Variants in SLC2A14 observed in about 807,000 individuals in gnomAD.
SLC2A14 encodes solute carrier family 2 member 14.
A neutral mutation model predicts 43.0 loss-of-function variants in SLC2A14; 13 were observed. That is an observed-to-expected ratio of 0.30 (90% CI 0.20 to 0.48). The LOEUF is 0.48. Among genes scored for constraint, SLC2A14 ranks in the 20% least tolerant of loss-of-function variants. The pLI, the probability that SLC2A14 is intolerant of heterozygous loss-of-function variation, is 0.99. For synonymous variants in SLC2A14, 190 were observed against 233.8 expected (o/e 0.81, Z 1.71); for missense variants, 428 against 620.4 (o/e 0.69, Z 3.29).
At chr12:7,846,848 G>A (rs1866511380) in intron 2 of SLC2A14, among the ~76,000 whole-genome samples, 1 of 151,450 alleles carries the variant, frequency 6.6e-6, no homozygotes, top group Non-Finnish European at 1.5e-5. Context: ...TGGCCAGGCT[G>A]GTCTCGAACT....
intron 5 of SLC2A14, 73 bp from the exon 6 acceptor site, chr12:7,828,939 T>A: frequency 1.3e-6 from 2 of 1,562,490 alleles, no homozygotes; most frequent in Non-Finnish European, 1.7e-6. Flanking sequence ...ACACAAAAAG[T>A]TGGCTGGGCG....
At chr12:7,874,382 A>G (rs1325901873), upstream of SLC2A14, among the ~76,000 whole-genome samples, 2 of 152,040 alleles carry the variant, frequency 1.3e-5, no homozygotes, top group African/African-American at 2.4e-5. Flanking sequence ...GTATTTTAAA[A>G]GTATATTTAG....
intron 2 of SLC2A14, among the ~76,000 whole-genome samples, chr12:7,862,634 A>G (rs1944643339): frequency 6.6e-6 from 1 of 152,170 alleles, no homozygotes; most frequent in Admixed American, 6.6e-5. Flanking sequence ...CACTAGGTGA[A>G]GCCAGCTGGG....
At chr12:7,846,241 C>T (rs892880756) in intron 2 of SLC2A14, among the ~76,000 whole-genome samples, 1 of 151,766 alleles carries the variant, frequency 6.6e-6, no homozygotes, top group African/African-American at 2.4e-5. Context: ...TCAAAGGAAA[C>T]GGTGGAAAAA....
rs71451921 is a variant in SLC2A14, at chr12:7,838,093, ATT to A, written c.19-5281_19-5280del. ...GTTGTTGTTATGTGTTTTTACCACA[ATT>A]TTTTTTTTTCGAGACAGAATCTCGC... On this transcript the variant is annotated intron_variant, in intron 2 of 10. Transcript: ENST00000431042. 5.6e-4 allele frequency among the ~76,000 whole-genome samples: 81 copies of A among 143,498 alleles called. 1 individual carries two copies. The highest frequency in any genetic ancestry group is 7.2e-3 in the Middle Eastern group (2 of 278). 94.1% of individuals were successfully genotyped at this position (143,498 alleles called of 152,430 possible).
intron 10 of SLC2A14, among the ~76,000 whole-genome samples, chr12:7,816,933 T>C (rs990193936): frequency 2.0e-5 from 3 of 151,994 alleles, no homozygotes; most frequent in African/African-American, 7.2e-5. Context: ...TCTCGAACTC[T>C]TGACTGCAAG....
At chr12:7,890,951 C>T in intron 1 of SLC2A14, 10 of 1,507,650 alleles carry the variant, frequency 6.6e-6, no homozygotes, top group South Asian at 1.2e-5. Context: ...TCATCCTCGA[C>T]ATGGACTACC....
intron 1 of SLC2A14, among the ~76,000 whole-genome samples, chr12:7,881,596 G>A (rs1945574585): frequency 6.6e-6 from 1 of 152,226 alleles, no homozygotes; most frequent in East Asian, 1.9e-4. Context: ...GAGCCTCCCC[G>A]ACAAGCGCGG....
At chr12:7,891,026 C>T (rs1392547877) in exon 1 of SLC2A14, 1 of 1,535,054 alleles carries the variant, frequency 6.5e-7, no homozygotes, top group East Asian at 2.4e-5. Context: ...TCTGACTCTT[C>T]TCCAGAGTGG....
intron 2 of SLC2A14, among the ~76,000 whole-genome samples, chr12:7,844,103 T>C (rs978751167): frequency 1.3e-5 from 2 of 152,158 alleles, no homozygotes; most frequent in African/African-American, 4.8e-5. Context: ...AAGATCTAGA[T>C]TCTTTAACAT....
chr12:7,875,918 G>A (rs1051071893), upstream of SLC2A14, among the ~76,000 whole-genome samples: 3 of 152,058 alleles, frequency 2.0e-5, no homozygotes, highest in Non-Finnish European at 2.9e-5. Context: ...GGAGGTTGCA[G>A]TGAGCTGAGA....
intron 2 of SLC2A14, among the ~76,000 whole-genome samples, chr12:7,846,958 A>G (rs986213193): frequency 4.0e-5 from 6 of 151,458 alleles, no homozygotes; most frequent in African/African-American, 1.5e-4. Flanking sequence ...TTTAAAAGAA[A>G]ATATACCTGT....
At chr12:7,867,166 C>G (rs1465114696) in intron 2 of SLC2A14, among the ~76,000 whole-genome samples, 1 of 151,266 alleles carries the variant, frequency 6.6e-6, no homozygotes, top group Non-Finnish European at 1.5e-5. Flanking sequence ...GTAGCCCCAG[C>G]TACTCTGGAG....
chr12:7,815,599 G>A (rs755358733), intron 10 of SLC2A14, among the ~76,000 whole-genome samples: 6 of 151,994 alleles, frequency 3.9e-5, no homozygotes, highest in African/African-American at 9.6e-5. Flanking sequence ...TTTTTGAGAC[G>A]GAGTTTCGCT....
intron 1 of SLC2A14, among the ~76,000 whole-genome samples, chr12:7,887,207 C>T (rs952951863): frequency 5.3e-5 from 8 of 151,864 alleles, no homozygotes; most frequent in Non-Finnish European, 8.8e-5. Flanking sequence ...CCACCGCGCC[C>T]GGCCAAATAA....
At chr12:7,815,015 G>T (rs1343418785) in intron 10 of SLC2A14, among the ~76,000 whole-genome samples, 1 of 151,886 alleles carries the variant, frequency 6.6e-6, no homozygotes, top group African/African-American at 2.4e-5. Context: ...GGCCAGGCTG[G>T]TCTCAAACTC....
intron 2 of SLC2A14, 68 bp from the exon 3 acceptor site, chr12:7,832,882 T>C: frequency 6.8e-7 from 1 of 1,473,218 alleles, no homozygotes; most frequent in Non-Finnish European, 9.5e-7. Flanking sequence ...TGTTTCTTAT[T>C]AATTATGGAG....
Position 7,821,345 on chromosome 12 carries a change from G to T in SLC2A14, c.865-20C>A. The T allele has an allele frequency of 6.3e-7, 1 of 1,597,600 alleles. No homozygotes were observed. Among genetic ancestry groups the T allele is most frequent in the Non-Finnish European group, 8.6e-7 (1 of 1,165,604 alleles). Reference sequence around the variant, plus strand: ...GAACACCTAGGAGAAAAGAAAACATGCAGCTTTGATAAAATTCTGCACACC... The same window carrying T: ...GAACACCTAGGAGAAAAGAAAACATTCAGCTTTGATAAAATTCTGCACACC... On this transcript the variant is annotated intron_variant, in intron 7 of 10. Transcript: ENST00000431042.
chr12:7,850,976 T>C (rs922067419), intron 2 of SLC2A14, among the ~76,000 whole-genome samples: 20 of 152,146 alleles, frequency 1.3e-4, no homozygotes, highest in Non-Finnish European at 2.5e-4. Flanking sequence ...TTTTCCATTG[T>C]TTTCCTCGAC....
Sources: allele counts gnomAD v4.1 joint callset (sites outside exome capture counted in the v4.1 genomes callset), GRCh38; gene constraint gnomAD v4.1.1; transcripts MANE v1.5; gene names NCBI Gene and HGNC (gene_info 2026-07-23, HGNC 2026-07-21).